MTSS1: variants seen among roughly 807,000 people sequenced by gnomAD.
MTSS1 encodes the protein protein MTSS 1.
Under a neutral mutation model 79.0 loss-of-function variants are expected in MTSS1, and 18 were observed. The ratio of observed to expected loss-of-function variants is 0.23; its 90% CI spans 0.16 to 0.34. MTSS1 has a LOEUF of 0.34. Among genes scored for constraint, MTSS1 ranks in the 10% least tolerant of loss-of-function variants. MTSS1 has a pLI of 1.00. For synonymous variants in MTSS1, 341 were observed against 368.6 expected (o/e 0.93, Z 0.86); for missense variants, 815 against 986.2 (o/e 0.83, Z 2.33).
chr8:124,577,261 T>C (rs995515369), intron 6 of MTSS1, among the ~76,000 whole-genome samples: 4 of 152,238 alleles, frequency 2.6e-5, no homozygotes, highest in African/African-American at 7.2e-5. Context: ...AAATTTCTTT[T>C]ATTTTGGAGA....
rs559218269 is a variant in MTSS1, at chr8:124,668,384, G to C, written c.208+31142C>G. ...TCATCCAACAGACAGACAAAGCCAG[G>C]TTTCCATACCTCAGCTCACATCTAC... On this transcript the variant is annotated intron_variant, in intron 3 of 13. Transcript: ENST00000518547. 1.5e-3 allele frequency among the ~76,000 whole-genome samples: 232 copies of C among 152,250 alleles called. 1 individual carries two copies. The highest frequency in any genetic ancestry group is 5.5e-3 in the African/African-American group (227 of 41,532).
At position 124,690,387 on chromosome 8, in the gene MTSS1, T is replaced by C. The variant is rs1029060853; in HGVS notation, c.208+9139A>G. Among the ~76,000 whole-genome samples the C allele has an allele frequency of 2.0e-5, 3 of 152,196 alleles. No homozygotes were observed. In the South Asian group the frequency reaches 6.2e-4, roughly 31 times the overall value. On this transcript the variant is annotated intron_variant, in intron 3 of 13. Coordinates refer to ENST00000518547, the MANE Select transcript of MTSS1 (RefSeq NM_014751.6). Reference sequence around the variant, plus strand: ...CATGCTTGGGTGTGGAATTCTGATATCCCTCACTGTCCCTGCTGGAGGATT... The same window carrying C: ...CATGCTTGGGTGTGGAATTCTGATACCCCTCACTGTCCCTGCTGGAGGATT...
intron 1 of MTSS1, among the ~76,000 whole-genome samples, chr8:124,710,820 G>A (rs921449239): frequency 6.6e-6 from 1 of 152,162 alleles, no homozygotes; most frequent in African/African-American, 2.4e-5. Flanking sequence ...CACAGGGGCC[G>A]GGAACTGCCA....
chr8:124,643,528 T>C (rs1240349190), intron 3 of MTSS1, among the ~76,000 whole-genome samples: 3 of 151,708 alleles, frequency 2.0e-5, no homozygotes, highest in Non-Finnish European at 2.9e-5. Flanking sequence ...AGAAACCCCA[T>C]CTCTACCAAA....
chr8:124,559,565 A>G (rs16899692), intron 10 of MTSS1, among the ~76,000 whole-genome samples: 7,566 of 152,152 alleles, frequency 0.05, 646 homozygotes, highest in African/African-American at 0.17. Flanking sequence ...CTTTACACTG[A>G]TCTGATGGAA....
rs755470674 is a variant in MTSS1, at chr8:124,727,835, A to C, written c.72+49T>G. On this transcript the variant is annotated intron_variant, in intron 1 of 13. Transcript: ENST00000518547. The surrounding 1 kb of genome is among the most constrained non-coding windows in gnomAD (Gnocchi z 4.7). ...GGGGTGGAGGCGAAGCGCGGCGGCG[A>C]GGTCAGAGCGCGGCGGCCGGCGCCG... 4.0e-5 allele frequency: 60 copies of C among 1,489,074 alleles called. No homozygotes were observed. Among genetic ancestry groups the C allele is most frequent in the Non-Finnish European group, 5.4e-5 (60 of 1,115,304 alleles). The allele number at this position is 1,489,074 out of a possible 1,614,324, so 92.2% of individuals were successfully genotyped here.
At chr8:124,686,682 G>A (rs979680794) in intron 3 of MTSS1, among the ~76,000 whole-genome samples, 1 of 152,034 alleles carries the variant, frequency 6.6e-6, no homozygotes, top group African/African-American at 2.4e-5. Flanking sequence ...CAACTGAGAG[G>A]GTGTAGAGGC....
chr8:124,643,122 C>G (rs746416672), intron 3 of MTSS1, among the ~76,000 whole-genome samples: 1 of 152,110 alleles, frequency 6.6e-6, no homozygotes, highest in Non-Finnish European at 1.5e-5. Context: ...AAATTGGTAA[C>G]CCCTAGTGTT....
At chr8:124,609,482 G>C (rs1371367286) in intron 3 of MTSS1, among the ~76,000 whole-genome samples, 1 of 152,220 alleles carries the variant, frequency 6.6e-6, no homozygotes, top group Non-Finnish European at 1.5e-5. Context: ...GTAACCTTCA[G>C]AGTGACTTGG....
At position 124,634,111 on chromosome 8, in the gene MTSS1, AT is replaced by A. The variant is rs757857502; in HGVS notation, c.209-42877del. Among the ~76,000 whole-genome samples, 433 of 143,510 alleles carry A rather than the reference AT, an allele frequency of 3.0e-3. 1 individual carries two copies. The highest frequency in any genetic ancestry group is 6.0e-3 in the African/African-American group (236 of 39,218). The allele number at this position is 143,510 out of a possible 152,430, so 94.1% of individuals were successfully genotyped here. The stretch of plus-strand genomic sequence containing the variant: ...GTCCTTATTTATTTATTTATTTTTA[AT>A]TTTTTTTTTTTTTGAGACAGGGTCT... On this transcript the variant is annotated intron_variant, in intron 3 of 13. Coordinates refer to ENST00000518547, the MANE Select transcript of MTSS1 (RefSeq NM_014751.6).
At chr8:124,568,664 C>T in intron 6 of MTSS1, 128 bp from the exon 7 acceptor site, 4 of 1,490,548 alleles carry the variant, frequency 2.7e-6, no homozygotes, top group Non-Finnish European at 3.6e-6. Flanking sequence ...AGTATTTATT[C>T]ATGCCCCAAA....
chr8:124,692,230 A>C (rs1469534835), intron 3 of MTSS1, among the ~76,000 whole-genome samples: 1 of 151,978 alleles, frequency 6.6e-6, no homozygotes. Flanking sequence ...GGATCTCGCC[A>C]TGTTGACCAG....
chr8:124,557,893 AAGG>A lies in MTSS1; in HGVS notation c.1036-21_1036-19del, dbSNP rs1378453649. On this transcript the variant is annotated intron_variant, in intron 10 of 13. Coordinates refer to ENST00000518547, the MANE Select transcript of MTSS1 (RefSeq NM_014751.6). Reference sequence around the variant, plus strand: ...TTAGACAACTGGAAACAAACAAAAAAAGGGGGGGGGAAGGAAAAAAAATTAATA... The same window carrying A: ...TTAGACAACTGGAAACAAACAAAAAAGGGGGGGAAGGAAAAAAAATTAATA... 5.2e-6 allele frequency: 8 copies of A among 1,529,974 alleles called. No homozygotes were observed. The highest frequency in any genetic ancestry group is 1.9e-5 in the Admixed American group (1 of 51,594). 94.8% of individuals were successfully genotyped at this position (1,529,974 alleles called of 1,614,324 possible).
chr8:124,727,655 T>C lies in MTSS1; in HGVS notation c.72+229A>G. 1.5e-6 allele frequency: 1 copy of C among 662,132 alleles called. No individual in the cohort carries two copies. The highest frequency in any genetic ancestry group is 2.8e-6 in the Non-Finnish European group (1 of 359,228). The allele number at this position is 662,132 out of a possible 1,614,324, so 41.0% of individuals were successfully genotyped here. A position where few individuals can be genotyped will look rare whatever the true frequency, so the allele number is the denominator to read the frequency against. On this transcript the variant is annotated intron_variant, in intron 1 of 13. Transcript: ENST00000518547. The surrounding 1 kb of genome is among the most constrained non-coding windows in gnomAD (Gnocchi z 4.7). ...CCCCTGGGACAATGAGCGGGGGAGA[T>C]GGCGTGGGACAGCAGACACCCCCCA...
intron 3 of MTSS1, among the ~76,000 whole-genome samples, chr8:124,649,341 G>C (rs1819548670): frequency 6.6e-6 from 1 of 152,186 alleles, no homozygotes; most frequent in Non-Finnish European, 1.5e-5. Context: ...CCTCTAAGGA[G>C]AGGTGTCCAT....
At chr8:124,567,654 G>A in intron 7 of MTSS1, 3 of 1,391,254 alleles carry the variant, frequency 2.2e-6, no homozygotes, top group Non-Finnish European at 2.8e-6. Context: ...CAGCAACTTA[G>A]TAAAAGACAA....
intron 3 of MTSS1, among the ~76,000 whole-genome samples, chr8:124,642,579 G>T (rs142405818): frequency 2.0e-5 from 3 of 151,870 alleles, no homozygotes; most frequent in Admixed American, 2.0e-4. Flanking sequence ...GTTTCTTCTG[G>T]GTTTTTTCTT....
chr8:124,642,601 CT>C (rs1452325318), intron 3 of MTSS1, among the ~76,000 whole-genome samples: 1 of 151,248 alleles, frequency 6.6e-6, no homozygotes, highest in Non-Finnish European at 1.5e-5. Context: ...TTTCTTTTTT[CT>C]TTTTTTTGGA....
At chr8:124,600,016 G>A (rs1833494682) in intron 3 of MTSS1, among the ~76,000 whole-genome samples, 1 of 150,006 alleles carries the variant, frequency 6.7e-6, no homozygotes, top group Admixed American at 6.7e-5. Flanking sequence ...CCTGGCGTAG[G>A]CTCAAACGTA....
Sources: allele counts gnomAD v4.1 joint callset (sites outside exome capture counted in the v4.1 genomes callset), GRCh38; gene constraint gnomAD v4.1.1; non-coding constraint Gnocchi (gnomAD v3.1); transcripts MANE v1.5; gene names NCBI Gene and HGNC (gene_info 2026-07-23, HGNC 2026-07-21).